The following P2RY12 variants were observed in gnomAD, a reference collection of about 807,000 sequenced individuals.
P2RY12 encodes the protein P2Y purinoceptor 12.
Under a neutral mutation model 4.5 loss-of-function variants are expected in P2RY12, and 3 were observed. The observed-to-expected ratio is 0.67, with a 90% confidence interval of 0.31 to 1.74. The LOEUF (loss-of-function observed/expected upper bound fraction) is 1.74. P2RY12 is among the 40% of genes most tolerant of loss of function. The pLI is 0.09. For missense variants in P2RY12, 356 were observed against 407.8 expected (o/e 0.87, Z 1.09); for synonymous variants, 148 against 154.1 (o/e 0.96, Z 0.29).
At chr3:151,353,864 G>A (rs117887381) in intron 1 of P2RY12, among the ~76,000 whole-genome samples, 2,524 of 152,104 alleles carry the variant, frequency 0.017, 181 homozygotes, top group East Asian at 0.15. Flanking sequence ...AGTGCTGGCC[G>A]GGCGCGGTGG....
rs561814531 is a variant in P2RY12 at position 151,374,057 on chromosome 3, CTG to C, written c.-180+10633_-180+10634del. Among the ~76,000 whole-genome samples the C allele has an allele frequency of 2.3e-3, 344 of 152,256 alleles. 3 individuals are homozygous for C. The highest frequency in any genetic ancestry group is 8.0e-3 in the African/African-American group (331 of 41,542). On this transcript the variant is annotated intron_variant, in intron 1 of 2. Transcript: ENST00000302632. ...TCCAATCCAACCCCACAAAGTTGTT[CTG>C]TGTTTTCCCCTAATTCATATTAGTA...
chr3:151,351,506 G>A (rs1056260169), intron 1 of P2RY12, among the ~76,000 whole-genome samples: 2 of 152,110 alleles, frequency 1.3e-5, no homozygotes, highest in Admixed American at 1.3e-4. Context: ...TGTCATTATT[G>A]AGTTTGAAAA....
chr3:151,350,113 G>A (rs1007542664), intron 1 of P2RY12: 17 of 1,612,754 alleles, frequency 1.1e-5, no homozygotes, highest in African/African-American at 1.3e-5. Context: ...CTATGGAGTC[G>A]GCAAAGAGCG....
rs755459581 is a variant in P2RY12, at chr3:151,338,052, C to T, written c.794G>A (p.Arg265Gln). Residue 265 changes from arginine to glutamine, a missense_variant, in exon 3 of 3, where the codon CGG becomes CAG. Physicochemically the swap from Arg to Gln is conservative, Grantham distance 43. Transcript: ENST00000302632. Reference sequence around the variant, plus strand: ...TTCAGCAGTGCAGTCAAAGACATCCCGGGTTTGGCTCAGGGTGTAAGGAAT... The same window carrying T: ...TTCAGCAGTGCAGTCAAAGACATCCTGGGTTTGGCTCAGGGTGTAAGGAAT... ...ARIPYTLSQT[R>Q]DVFDCTAENT... 1.1e-5 allele frequency: 17 copies of T among 1,614,014 alleles called. No individual in the cohort carries two copies. Among genetic ancestry groups the T allele is most frequent in the South Asian group, 3.3e-5 (3 of 91,070 alleles).
At chr3:151,359,633 A>G (rs1389562272) in intron 1 of P2RY12, among the ~76,000 whole-genome samples, 1 of 152,058 alleles carries the variant, frequency 6.6e-6, no homozygotes, top group Non-Finnish European at 1.5e-5. Flanking sequence ...AAGTCACCCC[A>G]CCTTTCTGCC....
Position 151,356,114 on chromosome 3 carries a change from A to G in P2RY12, c.-179-15354T>C. The G allele has an allele frequency of 2.8e-6, 4 of 1,453,352 alleles. No individual in the cohort carries two copies. In the South Asian group the frequency reaches 4.0e-5, roughly 15 times the overall value. 90.0% of individuals were successfully genotyped at this position (1,453,352 alleles called of 1,614,324 possible). The stretch of plus-strand genomic sequence containing the variant: ...GGCATTGTGCAATTTAAAGTGAGCC[A>G]ATTAGCTGGGCACAGTGGCTTGTGC... On this transcript the variant is annotated intron_variant, in intron 1 of 2. Coordinates refer to ENST00000302632, the MANE Select transcript of P2RY12 (RefSeq NM_022788.5).
rs199959126 is a variant in P2RY12, at chr3:151,338,833, C to T, written c.13G>A (p.Asp5Asn). The T allele has an allele frequency of 5.0e-6, 8 of 1,613,420 alleles. No individual in the cohort carries two copies. Among genetic ancestry groups the T allele is most frequent in the Non-Finnish European group, 5.9e-6 (7 of 1,179,622 alleles). The change falls in exon 3 of 3, where the codon GAC becomes AAC. Residue 5 changes from aspartate to asparagine, a missense_variant. Asp to Asn is a conservative substitution (Grantham distance 23). Coordinates refer to ENST00000302632, the MANE Select transcript of P2RY12 (RefSeq NM_022788.5). Reference sequence around the variant, plus strand: ...TTACCAGGCGCAGAGGTGAGGTTGTCGACGGCTTGCATTTCTTGTTGGTTA... The same window carrying T: ...TTACCAGGCGCAGAGGTGAGGTTGTTGACGGCTTGCATTTCTTGTTGGTTA... MQAVDNLTSAPGNTS... is the reference protein window; with the variant it reads MQAVNNLTSAPGNTS...
At position 151,338,369 on chromosome 3, in the gene P2RY12, G is replaced by T. The variant is rs764709900; in HGVS notation, c.477C>A (p.Asn159Lys). 6.2e-7 allele frequency: 1 copy of T among 1,614,134 alleles called. No individual in the cohort carries two copies. Among genetic ancestry groups the T allele is most frequent in the South Asian group, 1.1e-5 (1 of 91,084 alleles). Residue 159 changes from asparagine (N) to lysine (K), a missense_variant, in exon 3 of 3, where the codon AAC becomes AAA. Coordinates refer to ENST00000302632, the MANE Select transcript of P2RY12 (RefSeq NM_022788.5). ...TCGGCTGCCTGTTGGTCAGAATCAT[G>T]TTAGGCAAAGAGAGTAAGAACATGA... ...WAFMFLLSLP[N>K]MILTNRQPRD...
At chr3:151,360,389 T>TA (rs1754465523) in intron 1 of P2RY12, 1 of 1,235,868 alleles carries the variant, frequency 8.1e-7, no homozygotes, top group Non-Finnish European at 1.1e-6. Context: ...ACCCAAGTGA[T>TA]ACATATTTTC....
intron 1 of P2RY12, among the ~76,000 whole-genome samples, chr3:151,380,532 G>A (rs1215387448): frequency 1.3e-5 from 2 of 151,598 alleles, no homozygotes; most frequent in Non-Finnish European, 2.9e-5. Flanking sequence ...GGGAGGCAGA[G>A]GCTGCAGTGA....
chr3:151,352,602 G>A lies in P2RY12; in HGVS notation c.-179-11842C>T, dbSNP rs1363279771. 3.3e-5 allele frequency among the ~76,000 whole-genome samples: 5 copies of A among 150,948 alleles called. No homozygotes were observed. The East Asian group carries it at 9.7e-4, about 29-fold the overall frequency. ...ACAGACCTTGTGTTAGCATGTATTTGATTTCTGGGAACACATGAAAATAAT... is the reference window on the plus strand; with the variant it reads ...ACAGACCTTGTGTTAGCATGTATTTAATTTCTGGGAACACATGAAAATAAT... On this transcript the variant is annotated intron_variant, in intron 1 of 2. Coordinates refer to ENST00000302632, the MANE Select transcript of P2RY12 (RefSeq NM_022788.5).
At chr3:151,344,315 C>A (rs1577385410) in intron 1 of P2RY12, among the ~76,000 whole-genome samples, 1 of 132,168 alleles carries the variant, frequency 7.6e-6, no homozygotes, top group African/African-American at 2.8e-5. Flanking sequence ...TAAAAAAAAA[C>A]CTGTTAATTT....
intron 2 of P2RY12, among the ~76,000 whole-genome samples, chr3:151,340,318 G>C (rs553029368): frequency 5.4e-4 from 82 of 152,168 alleles, no homozygotes; most frequent in African/African-American, 1.8e-3. Context: ...CCCTTTATCT[G>C]TATTTAAATC....
intron 1 of P2RY12, among the ~76,000 whole-genome samples, chr3:151,368,533 C>T (rs758334028): frequency 6.6e-6 from 1 of 152,026 alleles, no homozygotes; most frequent in South Asian, 2.1e-4. Flanking sequence ...GGTCCTCTCA[C>T]GTACTGTGTG....
At chr3:151,382,664 T>A (rs1005717986) in intron 1 of P2RY12, 1 of 1,607,296 alleles carries the variant, frequency 6.2e-7, no homozygotes, top group Non-Finnish European at 8.5e-7. Context: ...AGATTTTAAG[T>A]AACTGGAGAG....
chr3:151,352,854 A>G (rs925661265), intron 1 of P2RY12, among the ~76,000 whole-genome samples: 4 of 152,176 alleles, frequency 2.6e-5, no homozygotes, highest in Non-Finnish European at 5.9e-5. Context: ...GGACTTAAAG[A>G]TTTTTAAAAA....
In P2RY12 at chr3:151,338,066, G is replaced by A. The variant is rs1751266438; in HGVS notation, c.780C>T (p.Thr260=). Residue 260 remains threonine (T), a synonymous_variant, in exon 3 of 3, where the codon ACC becomes ACT. Coordinates refer to ENST00000302632, the MANE Select transcript of P2RY12 (RefSeq NM_022788.5). ...CAAAGACATCCCGGGTTTGGCTCAG[G>A]GTGTAAGGAATTCGGGCAAAATGGA... ...VPFHFARIPY[T]LSQTRDVFDC... The A allele has an allele frequency of 1.2e-6, 2 of 1,613,928 alleles. No homozygotes were observed. Among genetic ancestry groups the A allele is most frequent in the South Asian group, 1.1e-5 (1 of 91,056 alleles).
intron 1 of P2RY12, among the ~76,000 whole-genome samples, chr3:151,344,010 C>A (rs980622683): frequency 6.6e-6 from 1 of 152,090 alleles, no homozygotes. Context: ...GCTAGCTTGG[C>A]TTTATCCATT....
intron 2 of P2RY12, among the ~76,000 whole-genome samples, chr3:151,339,516 C>T (rs1210925032): frequency 2.6e-5 from 4 of 151,606 alleles, no homozygotes; most frequent in Non-Finnish European, 4.4e-5. Flanking sequence ...AGATTGGCCT[C>T]ACGGAGATTC....
Sources: allele counts gnomAD v4.1 joint callset (sites outside exome capture counted in the v4.1 genomes callset), GRCh38; gene constraint gnomAD v4.1.1; transcripts MANE v1.5; gene names NCBI Gene and HGNC (gene_info 2026-07-23, HGNC 2026-07-21).